Variants in NTN1 observed in about 807,000 individuals in gnomAD.
NTN1 encodes netrin-1.
Under a neutral mutation model 54.2 loss-of-function variants are expected in NTN1, and 11 were observed. That is an observed-to-expected ratio of 0.20 (90% confidence interval 0.13 to 0.34). NTN1 has a LOEUF of 0.34. Ranked by LOEUF, NTN1 falls within the 10% of genes least tolerant of loss-of-function variation. NTN1 has a pLI of 1.00. For missense variants in NTN1, 740 were observed against 893.1 expected (o/e 0.83, Z 2.18); for synonymous variants, 371 against 382.0 (o/e 0.97, Z 0.33).
chr17:9,203,047 G>A (rs369043308), intron 5 of NTN1, among the ~76,000 whole-genome samples: 7 of 152,116 alleles, frequency 4.6e-5, no homozygotes, highest in South Asian at 2.1e-4. Flanking sequence ...TCAGCCTCCC[G>A]AGTAGCTGGG....
chr17:9,171,298 C>A (rs561690634), intron 3 of NTN1: 166 of 152,322 alleles, frequency 1.1e-3, no homozygotes, highest in African/African-American at 3.8e-3. Context: ...TGTCATCCCA[C>A]CTGCCCCCTC....
At chr17:9,124,212 C>T (rs186173777) in intron 2 of NTN1, among the ~76,000 whole-genome samples, 12 of 152,316 alleles carry the variant, frequency 7.9e-5, no homozygotes, top group Admixed American at 2.6e-4. Context: ...GACTTCTAGA[C>T]GCTTTTCTTC....
intron 6 of NTN1, among the ~76,000 whole-genome samples, chr17:9,235,558 T>C (rs996816912): frequency 6.6e-6 from 1 of 152,146 alleles, no homozygotes; most frequent in African/African-American, 2.4e-5. Context: ...ATTGGGTGAT[T>C]GATAAACAAC....
chr17:9,022,495 G>T lies in NTN1; in HGVS notation c.122G>T (p.Cys41Phe). 6.5e-7 allele frequency: 1 copy of T among 1,541,774 alleles called. No individual in the cohort carries two copies. The change falls in exon 2 of 7, where the codon TGC becomes TTC. Residue 41 changes from cysteine (C) to phenylalanine (F), a missense_variant. Transcript: ENST00000173229. ...GGCCAGGCGGCGCAGCCCGATCCCT[G>T]CTCGGACGAGAACGGCCACCCGCGC... ...FAGQAAQPDP[C>F]SDENGHPRRC...
chr17:9,184,500 G>C (rs2092427495), intron 5 of NTN1, among the ~76,000 whole-genome samples: 1 of 152,198 alleles, frequency 6.6e-6, no homozygotes, highest in Non-Finnish European at 1.5e-5. Flanking sequence ...TTCGATTCTT[G>C]CTCTCTTTGA....
At position 9,241,736 on chromosome 17, in the gene NTN1, T is replaced by C. The variant is rs889540590; in HGVS notation, c.*1768T>C. ...CCCACATGCTCCCAGTGTGTACTCA[T>C]GACAACCCTGTGGGACAGGGACTCA... is the stretch of plus-strand genomic sequence containing the variant. On this transcript the variant is annotated 3_prime_UTR_variant, in exon 7 of 7. Coordinates refer to ENST00000173229, the MANE Select transcript of NTN1 (RefSeq NM_004822.3). 4.6e-5 allele frequency: 7 copies of C among 152,274 alleles called. No homozygotes were observed. Among genetic ancestry groups the C allele is most frequent in the Non-Finnish European group, 8.8e-5 (6 of 68,066 alleles). 9.4% of individuals were successfully genotyped at this position (152,274 alleles called of 1,614,324 possible).
At chr17:9,152,364 C>T (rs2092330287) in intron 2 of NTN1, among the ~76,000 whole-genome samples, 1 of 152,182 alleles carries the variant, frequency 6.6e-6, no homozygotes, top group Non-Finnish European at 1.5e-5. Context: ...GCCCAGTTCC[C>T]CGGAGAGGAT....
chr17:9,108,058 G>T (rs1210169024), intron 2 of NTN1, among the ~76,000 whole-genome samples: 1 of 152,214 alleles, frequency 6.6e-6, no homozygotes, highest in Non-Finnish European at 1.5e-5. Context: ...AAGATTATAG[G>T]CTTGGCACAA....
chr17:9,134,462 G>T (rs1474585562), intron 2 of NTN1, among the ~76,000 whole-genome samples: 2 of 152,182 alleles, frequency 1.3e-5, no homozygotes, highest in African/African-American at 4.8e-5. Flanking sequence ...TGACTAGATT[G>T]GGAGCATGGT....
rs1397491530 is a variant in NTN1, at chr17:9,242,583, TTGC to T, written c.*2616_*2618del. 6.6e-6 allele frequency: 1 copy of T among 152,314 alleles called. No individual in the cohort carries two copies. Among genetic ancestry groups the T allele is most frequent in the African/African-American group, 2.4e-5 (1 of 41,484 alleles). The allele number at this position is 152,314 out of a possible 1,614,324, so 9.4% of individuals were successfully genotyped here. The stretch of plus-strand genomic sequence containing the variant: ...GCGACACGCCAAGCAACAAGGCATC[TTGC>T]GGAAAATTCAGCCAGTGTCCTGCCC... On this transcript the variant is annotated 3_prime_UTR_variant, in exon 7 of 7. Transcript: ENST00000173229.
chr17:9,221,346 A>G lies in NTN1; in HGVS notation c.1486+104A>G. On this transcript the variant is annotated intron_variant, in intron 6 of 6. Coordinates refer to ENST00000173229, the MANE Select transcript of NTN1 (RefSeq NM_004822.3). The surrounding 1 kb of genome is among the most constrained non-coding windows in gnomAD (Gnocchi z 4.5). ...GGCCCCCGATGGGTGTTGGTCGTGA[A>G]GACCCTGTGACCGATGGGAACTAGC... The G allele has an allele frequency of 1.2e-6, 1 of 858,036 alleles. No homozygotes were observed. The highest frequency in any genetic ancestry group is 1.7e-5 in the Admixed American group (1 of 57,926). 53.2% of individuals were successfully genotyped at this position (858,036 alleles called of 1,614,324 possible). A position where few individuals can be genotyped will look rare whatever the true frequency, so the allele number is the denominator to read the frequency against.
At chr17:9,225,827 A>G (rs533759252) in intron 6 of NTN1, among the ~76,000 whole-genome samples, 1 of 152,200 alleles carries the variant, frequency 6.6e-6, no homozygotes, top group Non-Finnish European at 1.5e-5. Flanking sequence ...CACCCAGGGC[A>G]CTTGGATGTT....
chr17:9,071,825 C>A (rs1182132300), intron 2 of NTN1, among the ~76,000 whole-genome samples: 1 of 152,220 alleles, frequency 6.6e-6, no homozygotes, highest in African/African-American at 2.4e-5. Flanking sequence ...GGGTTTCTTT[C>A]CCTCCAGAAT....
chr17:9,223,413 G>A (rs1335756576), intron 6 of NTN1, among the ~76,000 whole-genome samples: 1 of 152,246 alleles, frequency 6.6e-6, no homozygotes, highest in Middle Eastern at 3.4e-3. Context: ...TTAGCTGGGC[G>A]TCGTGGCGCA....
intron 6 of NTN1, among the ~76,000 whole-genome samples, chr17:9,235,772 G>T (rs556308307): frequency 6.8e-6 from 1 of 147,104 alleles, no homozygotes; most frequent in African/African-American, 2.6e-5. Context: ...TTTGGAGACA[G>T]AGTCTCGCCC....
At chr17:9,095,982 A>G (rs2092130864) in intron 2 of NTN1, among the ~76,000 whole-genome samples, 1 of 151,974 alleles carries the variant, frequency 6.6e-6, no homozygotes, top group African/African-American at 2.4e-5. Flanking sequence ...TTTTTAGTAG[A>G]GATGGGGTTT....
chr17:9,230,431 T>C (rs532937291), intron 6 of NTN1, among the ~76,000 whole-genome samples: 5 of 122,740 alleles, frequency 4.1e-5, no homozygotes, highest in African/African-American at 9.8e-5. Context: ...ATCCTCTGAT[T>C]TCCCCCACCA....
At chr17:9,151,456 G>A (rs887488578) in intron 2 of NTN1, among the ~76,000 whole-genome samples, 5 of 152,068 alleles carry the variant, frequency 3.3e-5, no homozygotes, top group Non-Finnish European at 2.9e-5. Flanking sequence ...CTGTGACTCC[G>A]GGCACTGAGG....
At chr17:9,025,338 G>A (rs995809043) in intron 2 of NTN1, among the ~76,000 whole-genome samples, 1 of 152,180 alleles carries the variant, frequency 6.6e-6, no homozygotes, top group Non-Finnish European at 1.5e-5. Context: ...CACTAACTAT[G>A]CACACAAATT....
Sources: gnomAD v4.1 joint callset for allele counts (sites outside exome capture counted in the v4.1 genomes callset) on GRCh38, gnomAD v4.1.1 for gene constraint, Gnocchi (gnomAD v3.1) non-coding constraint, MANE v1.5 for transcripts, NCBI Gene and HGNC (gene_info 2026-07-23, HGNC 2026-07-21) for gene names.